SLC4A4: variants seen among roughly 807,000 people sequenced by gnomAD.
The protein encoded by SLC4A4 is solute carrier family 4 member 4.
Under a neutral mutation model 111.5 loss-of-function variants are expected in SLC4A4, and 27 were observed. The ratio of observed to expected loss-of-function variants is 0.24; its 90% CI spans 0.18 to 0.33. SLC4A4 has a LOEUF of 0.33. SLC4A4 is among the 10% of genes least tolerant of loss of function. The pLI is 1.00. For synonymous variants in SLC4A4, 443 were observed against 463.4 expected (o/e 0.96, Z 0.57); for missense variants, 909 against 1,315.5 (o/e 0.69, Z 4.78).
intron 16 of SLC4A4, among the ~76,000 whole-genome samples, chr4:71,514,715 A>G (rs1038471143): frequency 6.6e-6 from 1 of 152,060 alleles, no homozygotes; most frequent in Non-Finnish European, 1.5e-5. Flanking sequence ...TACTGATTCA[A>G]TTTTAATTGG....
intron 3 of SLC4A4, among the ~76,000 whole-genome samples, chr4:71,275,356 C>G (rs1179159902): frequency 6.6e-6 from 1 of 152,084 alleles, no homozygotes; most frequent in African/African-American, 2.4e-5. Flanking sequence ...ACTGAAGATG[C>G]AGTTGGCATG....
At chr4:71,306,886 TA>T (rs1417421943) in intron 3 of SLC4A4, among the ~76,000 whole-genome samples, 1 of 152,142 alleles carries the variant, frequency 6.6e-6, no homozygotes, top group Non-Finnish European at 1.5e-5. Context: ...GAATGGATCA[TA>T]AGGTTCTGGT....
chr4:71,287,904 T>A lies in SLC4A4; in HGVS notation c.253+32505T>A, dbSNP rs546395428. On this transcript the variant is annotated intron_variant, in intron 3 of 25. Coordinates refer to ENST00000264485, the MANE Select transcript of SLC4A4 (RefSeq NM_001098484.3). ...AATGACTTGGCAGTATCTTTTTTTT[T>A]AATCCCAAGTTAAGCTTTTCTCATG... Among the ~76,000 whole-genome samples, 37 of 152,322 alleles carry A rather than the reference T, an allele frequency of 2.4e-4. No individual in the cohort carries two copies. In the Middle Eastern group the frequency reaches 0.01, roughly 42 times the overall value.
intron 2 of SLC4A4, among the ~76,000 whole-genome samples, chr4:71,176,781 C>A (rs1745107264): frequency 6.6e-6 from 1 of 152,076 alleles, no homozygotes; most frequent in Non-Finnish European, 1.5e-5. Context: ...GAGAACTTCC[C>A]CAATCTAGCA....
chr4:71,082,853 C>CTT (rs34193763), intron 1 of SLC4A4, among the ~76,000 whole-genome samples: 3 of 142,808 alleles, frequency 2.1e-5, no homozygotes, highest in African/African-American at 2.6e-5. Flanking sequence ...CCATAATTTT[C>CTT]TTTTTTTTTT....
rs143115363 is a variant in SLC4A4 at position 71,113,207 on chromosome 4, C to T, written c.-2+20415C>T. Among the ~76,000 whole-genome samples, 94 of 152,282 alleles carry T rather than the reference C, an allele frequency of 6.2e-4. 1 individual carries two copies. Among genetic ancestry groups the T allele is most frequent in the African/African-American group, 2.2e-3 (93 of 41,574 alleles). ...TTCTAATTTATGCTGTAGAGATTGT[C>T]CAACACTAATCAGGTGGAGAAGAGA... On this transcript the variant is annotated intron_variant, in intron 2 of 26. Transcript: ENST00000649996.
chr4:71,526,416 T>C (rs899706291), intron 16 of SLC4A4, among the ~76,000 whole-genome samples: 1 of 152,098 alleles, frequency 6.6e-6, no homozygotes, highest in African/African-American at 2.4e-5. Flanking sequence ...ACACTATTAA[T>C]AGGGTGGCTT....
At chr4:71,091,353 C>A (rs549116290) in intron 1 of SLC4A4, among the ~76,000 whole-genome samples, 3 of 151,276 alleles carry the variant, frequency 2.0e-5, no homozygotes, top group Non-Finnish European at 4.4e-5. Flanking sequence ...TCCGGGTTCA[C>A]GCCATTCTCC....
intron 13 of SLC4A4, among the ~76,000 whole-genome samples, chr4:71,468,444 A>G (rs550152659): frequency 2.0e-5 from 3 of 152,198 alleles, no homozygotes; most frequent in Non-Finnish European, 4.4e-5. Context: ...TTCACTAAGC[A>G]AGTTCCTTTC....
intron 12 of SLC4A4, among the ~76,000 whole-genome samples, chr4:71,455,823 A>C (rs1726209689): frequency 1.3e-5 from 2 of 152,102 alleles, no homozygotes; most frequent in South Asian, 4.1e-4. Context: ...ACTGTAGAGA[A>C]GAAGTCTGTT....
At chr4:71,171,810 A>G (rs78158840) in intron 2 of SLC4A4, among the ~76,000 whole-genome samples, 141 of 152,300 alleles carry the variant, frequency 9.3e-4, no homozygotes, top group African/African-American at 3.3e-3. Context: ...AAGCTTTTGA[A>G]TAGTTGTTTC....
At chr4:71,087,649 C>A (rs963360529) in intron 1 of SLC4A4, among the ~76,000 whole-genome samples, 2 of 152,002 alleles carry the variant, frequency 1.3e-5, no homozygotes, top group African/African-American at 4.8e-5. Flanking sequence ...TTTCTGCCTT[C>A]ATTTTGTTAT....
At chr4:71,429,371 T>C (rs578133616) in intron 7 of SLC4A4, among the ~76,000 whole-genome samples, 1 of 152,250 alleles carries the variant, frequency 6.6e-6, no homozygotes, top group Non-Finnish European at 1.5e-5. Flanking sequence ...ATGCTAATAC[T>C]GTGATAGCTG....
At chr4:71,459,652 T>G (rs558483297) in intron 12 of SLC4A4, among the ~76,000 whole-genome samples, 91 of 152,254 alleles carry the variant, frequency 6.0e-4, no homozygotes, top group Non-Finnish European at 1.1e-3. Flanking sequence ...GGTGATTAAC[T>G]ACATGTTTAT....
intron 4 of SLC4A4, among the ~76,000 whole-genome samples, chr4:71,345,270 C>G (rs986489480): frequency 6.6e-6 from 1 of 152,022 alleles, no homozygotes; most frequent in African/African-American, 2.4e-5. Context: ...ATTCATGATC[C>G]AAGTTTGATG....
chr4:71,173,305 T>C (rs955578662), intron 2 of SLC4A4, among the ~76,000 whole-genome samples: 7 of 152,222 alleles, frequency 4.6e-5, no homozygotes, highest in Non-Finnish European at 8.8e-5. Flanking sequence ...TCAGGTTCAG[T>C]TGAAATGAGA....
chr4:71,542,023 A>G (rs964037418), intron 18 of SLC4A4, among the ~76,000 whole-genome samples: 11 of 152,032 alleles, frequency 7.2e-5, no homozygotes, highest in African/African-American at 2.4e-4. Flanking sequence ...TTTTATGCAT[A>G]TATAGGTGGT....
chr4:71,116,152 C>T lies in SLC4A4; in HGVS notation c.-2+23360C>T, dbSNP rs573964583. On this transcript the variant is annotated intron_variant, in intron 2 of 26. Coordinates refer to the SLC4A4 transcript ENST00000649996. ...TCACGTGGTCCACTGCCTTGGCCTC[C>T]CAAAGTGCTGGGATTATAGGTGTGG... Among the ~76,000 whole-genome samples, 519 of 152,254 alleles carry T rather than the reference C, an allele frequency of 3.4e-3. 1 individual carries two copies. The highest frequency in any genetic ancestry group is 0.011 in the African/African-American group (469 of 41,532).
intron 4 of SLC4A4, among the ~76,000 whole-genome samples, chr4:71,347,676 C>T (rs1377597016): frequency 6.6e-6 from 1 of 152,074 alleles, no homozygotes; most frequent in African/African-American, 2.4e-5. Context: ...AAAAGAACTA[C>T]TGTATATAAG....
Sources: allele counts gnomAD v4.1 joint callset (sites outside exome capture counted in the v4.1 genomes callset), GRCh38; gene constraint gnomAD v4.1.1; transcripts MANE v1.5; gene names NCBI Gene and HGNC (gene_info 2026-07-23, HGNC 2026-07-21).